NBAS: variants seen among roughly 807,000 people sequenced by gnomAD.
NBAS encodes the protein NAG/BC035112 fusion.
In NBAS, 219 loss-of-function variants were observed where a neutral mutation model predicts 302.5. The ratio of observed to expected loss-of-function variants is 0.72; its 90% CI spans 0.65 to 0.81. The LOEUF (loss-of-function observed/expected upper bound fraction) is 0.81, where lower values mean the gene tolerates loss of function less well. Ranked by LOEUF, NBAS falls within the 30% of genes least tolerant of loss-of-function variation. NBAS has a pLI of 0.00. For missense variants in NBAS, 2,932 were observed against 2,841.6 expected, an observed-to-expected ratio of 1.03 and a Z score of -0.72; for synonymous variants, 1,118 against 1,021.6, an observed-to-expected ratio of 1.09 and a Z score of -1.80.
At chr2:15,292,240 C>T (rs1311239864) in intron 41 of NBAS, among the ~76,000 whole-genome samples, 2 of 152,326 alleles carry the variant, frequency 1.3e-5, no homozygotes, top group African/African-American at 4.8e-5. Flanking sequence ...CCACCTTGGC[C>T]TCCCAAAGTG....
chr2:15,318,187 C>G (rs780551537), intron 38 of NBAS, among the ~76,000 whole-genome samples: 1 of 152,154 alleles, frequency 6.6e-6, no homozygotes, highest in Non-Finnish European at 1.5e-5. Context: ...CCTTTACAGA[C>G]AAGCAAATGC....
the NBAS span, among the ~76,000 whole-genome samples, chr2:15,026,692 A>G: frequency 2.0e-5 from 3 of 152,076 alleles, no homozygotes; most frequent in African/African-American, 4.8e-5. Context: ...ATATTCTTAT[A>G]TAGCTTTTGG....
chr2:14,976,246 G>T, the NBAS span, among the ~76,000 whole-genome samples: 1 of 152,194 alleles, frequency 6.6e-6, no homozygotes, highest in African/African-American at 2.4e-5. Context: ...ATAGTAGTCT[G>T]GTTGAGCCGA....
chr2:15,160,423 T>C, the NBAS span, among the ~76,000 whole-genome samples: 1 of 152,164 alleles, frequency 6.6e-6, no homozygotes, highest in East Asian at 1.9e-4. Flanking sequence ...CAGGGAGGCT[T>C]AAGGGACACC....
At chr2:14,903,338 AAAAG>A in the NBAS span, among the ~76,000 whole-genome samples, 2 of 151,808 alleles carry the variant, frequency 1.3e-5, no homozygotes, top group Non-Finnish European at 2.9e-5. Flanking sequence ...AAAAAAAAAA[AAAAG>A]AAAGAAACAT....
At chr2:14,957,802 C>A in the NBAS span, among the ~76,000 whole-genome samples, 2 of 152,222 alleles carry the variant, frequency 1.3e-5, no homozygotes, top group Non-Finnish European at 2.9e-5. Flanking sequence ...ACCAGGGGAA[C>A]CTTCCCAGCT....
the NBAS span, among the ~76,000 whole-genome samples, chr2:14,942,650 T>C: frequency 6.6e-6 from 1 of 152,200 alleles, no homozygotes; most frequent in Non-Finnish European, 1.5e-5. Context: ...ATACAGACTC[T>C]AACTCCCACT....
chr2:15,317,220 T>C (rs1161984072), intron 38 of NBAS, among the ~76,000 whole-genome samples: 1 of 151,900 alleles, frequency 6.6e-6, no homozygotes, highest in Non-Finnish European at 1.5e-5. Context: ...AAAAAGGACA[T>C]CCACACCAAA....
the NBAS span, among the ~76,000 whole-genome samples, chr2:15,088,023 G>A: frequency 1.7e-4 from 26 of 152,304 alleles, no homozygotes; most frequent in South Asian, 4.8e-3. Context: ...GAGAAGAGAC[G>A]GGAATGTGCT....
chr2:15,103,030 AAGAG>A, the NBAS span, among the ~76,000 whole-genome samples: 1 of 100,474 alleles, frequency 1.0e-5, no homozygotes, highest in Non-Finnish European at 2.3e-5. Context: ...GAAGGAAGGA[AAGAG>A]GGTCGGAGGG....
intron 10 of NBAS, among the ~76,000 whole-genome samples, chr2:15,504,592 T>C (rs1262444299): frequency 1.3e-5 from 2 of 152,176 alleles, no homozygotes; most frequent in Non-Finnish European, 2.9e-5. Context: ...AACAATTGAT[T>C]CTATGCTTGA....
intron 9 of NBAS, among the ~76,000 whole-genome samples, chr2:15,512,468 TGTGA>T (rs1286685803): frequency 1.3e-5 from 2 of 152,170 alleles, no homozygotes; most frequent in Non-Finnish European, 2.9e-5. Flanking sequence ...CGCTGCAGTC[TGTGA>T]GTATGTTCTA....
chr2:15,555,494 T>A (rs1664604240), intron 3 of NBAS, among the ~76,000 whole-genome samples: 1 of 152,124 alleles, frequency 6.6e-6, no homozygotes, highest in Non-Finnish European at 1.5e-5. Context: ...CTGATACAGG[T>A]TTATTATATT....
the NBAS span, among the ~76,000 whole-genome samples, chr2:15,003,383 T>G: frequency 1.3e-5 from 2 of 152,196 alleles, no homozygotes; most frequent in Non-Finnish European, 2.9e-5. Context: ...CAGGGAGTGC[T>G]TATCAAGTGC....
In NBAS at chr2:15,386,069, C is replaced by CA. The variant is rs199893331; in HGVS notation, c.3258-2753dup. On this transcript the variant is annotated intron_variant, in intron 28 of 51. Transcript: ENST00000281513. ...AGCTATCTAAATTACCAGAGAGGGC[C>CA]ACTGATATGTAAGTTCCTAACTGAG... 6.7e-3 allele frequency among the ~76,000 whole-genome samples: 1,015 copies of CA among 152,236 alleles called. 11 individuals carry two copies. The highest frequency in any genetic ancestry group is 0.022 in the African/African-American group (925 of 41,550).
intron 19 of NBAS, among the ~76,000 whole-genome samples, chr2:15,464,041 A>G (rs1679621570): frequency 6.6e-6 from 1 of 152,122 alleles, no homozygotes; most frequent in Non-Finnish European, 1.5e-5. Context: ...CGCATGCTGA[A>G]AATGGTTGGT....
intron 38 of NBAS, among the ~76,000 whole-genome samples, chr2:15,320,620 C>G (rs1671756174): frequency 6.6e-6 from 1 of 151,944 alleles, no homozygotes; most frequent in Non-Finnish European, 1.5e-5. Context: ...AAACAGAGAG[C>G]CAAATCATGA....
chr2:15,251,376 C>T (rs1002063250), intron 44 of NBAS, among the ~76,000 whole-genome samples: 6 of 152,084 alleles, frequency 3.9e-5, no homozygotes, highest in African/African-American at 1.4e-4. Context: ...TTGATGGGTG[C>T]AGCAAACCAC....
the NBAS span, among the ~76,000 whole-genome samples, chr2:15,086,497 C>A: frequency 1.2e-4 from 18 of 152,208 alleles, no homozygotes. Flanking sequence ...TGAGACATGC[C>A]CCTTGCTTGC....
Sources: allele counts gnomAD v4.1 joint callset (sites outside exome capture counted in the v4.1 genomes callset), GRCh38; gene constraint gnomAD v4.1.1; transcripts MANE v1.5; gene names NCBI Gene and HGNC (gene_info 2026-07-23, HGNC 2026-07-21).